Variants in DMXL2 observed in about 807,000 individuals in gnomAD.
DMXL2 encodes the protein dmX-like protein 2.
A neutral mutation model predicts 331.1 loss-of-function variants in DMXL2; 103 were observed. The ratio of observed to expected loss-of-function variants is 0.31; its 90% confidence interval spans 0.27 to 0.37. DMXL2 has a LOEUF of 0.37. Ranked by LOEUF, DMXL2 falls within the 10% of genes least tolerant of loss-of-function variation. The pLI, the probability that DMXL2 is intolerant of heterozygous loss-of-function variation, is 1.00. For synonymous variants in DMXL2, 1,281 were observed against 1,252.1 expected (o/e 1.02, Z -0.49); for missense variants, 3,171 against 3,642.9 (o/e 0.87, Z 3.33).
rs1314447982 is a variant in DMXL2, at chr15:51,457,156, A to C, written c.8337+172T>G. On this transcript the variant is annotated intron_variant, in intron 37 of 43. Transcript: ENST00000560891. Reference sequence around the variant, plus strand: ...CACTGCACTCCAGCCTGCGCGACAGAGCCAGACCCTGTCACCAAATAAAAA... The same window carrying C: ...CACTGCACTCCAGCCTGCGCGACAGCGCCAGACCCTGTCACCAAATAAAAA... 11 of 728,366 alleles carry C rather than the reference A, an allele frequency of 1.5e-5. No individual in the cohort carries two copies. The East Asian group carries it at 2.6e-4, about 17-fold the overall frequency. The allele number at this position is 728,366 out of a possible 1,614,324, so 45.1% of individuals were successfully genotyped here.
rs1321790012 is a variant in DMXL2, at chr15:51,456,345, C to T, written c.8362G>A (p.Val2788Ile). 3 of 1,592,352 alleles carry T rather than the reference C, an allele frequency of 1.9e-6. No individual in the cohort carries two copies. The highest frequency in any genetic ancestry group is 3.7e-5 in the Admixed American group (2 of 54,696). Residue 2788 changes from valine (V) to isoleucine (I), a missense_variant, in exon 38 of 44, where the codon GTT (valine) becomes ATT (isoleucine). Transcript: ENST00000560891. Reference protein sequence around the residue: ...SVLMKRNLHNVKRMTSHPVHQ... With the variant: ...SVLMKRNLHNIKRMTSHPVHQ... ...ACTGGGTGTGAAGTCATTCTCTTAA[C>T]ATTATGTAGATTCCTTTTCATAAGC...
intron 6 of DMXL2, 53 bp downstream of exon 6, chr15:51,563,328 C>T (rs2050080632): frequency 7.3e-7 from 1 of 1,366,584 alleles, no homozygotes; most frequent in Non-Finnish European, 1.0e-6. Flanking sequence ...AAATAAGGAA[C>T]ATTTTAAATT....
rs543899558 is a variant in DMXL2 at position 51,488,772 on chromosome 15, G to A, written c.4954-127C>T. 2.4e-5 allele frequency: 17 copies of A among 709,786 alleles called. No individual in the cohort carries two copies. The African/African-American group carries it at 2.5e-4, about 11-fold the overall frequency. The allele number at this position is 709,786 out of a possible 1,614,324, so 44.0% of individuals were successfully genotyped here. A position where few individuals can be genotyped will look rare whatever the true frequency, so the allele number is the denominator to read the frequency against. On this transcript the variant is annotated intron_variant, in intron 20 of 43. Coordinates refer to ENST00000560891, the MANE Select transcript of DMXL2 (RefSeq NM_001378457.1). ...TGTGGAGACAGAAAAAGTTGGTTCT[G>A]TTTCACAATCTCCAGTAGGTTATAA...
rs1397459987 is a variant in DMXL2, at chr15:51,622,609, C to T, written c.-64G>A. Reference sequence around the variant, plus strand: ...GACAAGCTCCGCGCCTGACCCTCCTCGGGCTGCGAGAGCCGTTTCCCTCTG... The same window carrying T: ...GACAAGCTCCGCGCCTGACCCTCCTTGGGCTGCGAGAGCCGTTTCCCTCTG... On this transcript the variant is annotated 5_prime_UTR_variant, in exon 1 of 44. Coordinates refer to ENST00000560891, the MANE Select transcript of DMXL2 (RefSeq NM_001378457.1). 2.0e-6 allele frequency: 3 copies of T among 1,503,536 alleles called. No individual in the cohort carries two copies. Among genetic ancestry groups the T allele is most frequent in the Middle Eastern group, 1.9e-4 (1 of 5,394 alleles). The allele number at this position is 1,503,536 out of a possible 1,614,324, so 93.1% of individuals were successfully genotyped here. A position where few individuals can be genotyped will look rare whatever the true frequency, so the allele number is the denominator to read the frequency against.
At chr15:51,521,178 G>A (rs535843692) in intron 13 of DMXL2, among the ~76,000 whole-genome samples, 18 of 152,120 alleles carry the variant, frequency 1.2e-4, no homozygotes, top group Non-Finnish European at 2.4e-4. Flanking sequence ...AGCCGTAGTT[G>A]TAAGAGTTTG....
At chr15:51,530,787 C>T (rs944041786) in intron 13 of DMXL2, among the ~76,000 whole-genome samples, 2 of 151,810 alleles carry the variant, frequency 1.3e-5, no homozygotes, top group African/African-American at 2.4e-5. Context: ...ATCTCATTTA[C>T]AATAGCCATA....
In DMXL2 at chr15:51,499,996, A is replaced by G. The variant is rs1304180175; in HGVS notation, c.3228T>C (p.Cys1076=). ...CCACTGCAAGGCGACCTGTGTATGA[A>G]CAGCTAACAGCAACTGGTCTTCCCA... is the stretch of plus-strand genomic sequence containing the variant. ...SIVGRPVAVS[C]SYTGRLAVAY... Residue 1076 remains cysteine (C), a synonymous_variant, in exon 18 of 44, where the codon TGT becomes TGC. Coordinates refer to ENST00000560891, the MANE Select transcript of DMXL2 (RefSeq NM_001378457.1). 4 of 1,613,962 alleles carry G rather than the reference A, an allele frequency of 2.5e-6. No homozygotes were observed. In the Admixed American group the frequency reaches 5.0e-5, roughly 20 times the overall value.
rs1358799210 is a variant in DMXL2, at chr15:51,564,148, A to G, written c.477T>C (p.Asp159=). Residue 159 remains aspartate (D), a synonymous_variant, in exon 5 of 44, where the codon GAT becomes GAC. Coordinates refer to ENST00000560891, the MANE Select transcript of DMXL2 (RefSeq NM_001378457.1). ...ACTTGCACTGCCAGACACACTTCCAATCATTTAAAACAGGAGGAACTGTAT... is the reference window on the plus strand; with the variant it reads ...ACTTGCACTGCCAGACACACTTCCAGTCATTTAAAACAGGAGGAACTGTAT... The part of the protein sequence containing the change: ...IDNTVPPVLN[D]WKCVWQCKTS... 9 of 1,603,222 alleles carry G rather than the reference A, an allele frequency of 5.6e-6. No individual in the cohort carries two copies. In the African/African-American group the frequency reaches 9.4e-5, roughly 17 times the overall value.
Position 51,450,277 on chromosome 15 carries a change from C to A in DMXL2, c.8819G>T (p.Gly2940Val), listed in dbSNP as rs773928014. 1 of 1,613,970 alleles carries A rather than the reference C, an allele frequency of 6.2e-7. No individual in the cohort carries two copies. Among genetic ancestry groups the A allele is most frequent in the Non-Finnish European group, 8.5e-7 (1 of 1,179,990 alleles). The change falls in exon 43 of 44, where the codon GGG becomes GTG. Residue 2940 changes from glycine (G) to valine (V), a missense_variant. Physicochemically the swap from Gly to Val is moderately radical, Grantham distance 109. This residue lies in a region of DMXL2 where 766 missense variants were observed against 940.5 expected (regional missense o/e 0.81). Transcript: ENST00000560891. ...AATGCAGACGTGTCCTTTCCTACCC[C>A]CCGAGATTAGGAGTTGCTGTTTGGG... ...YAPKQQLLIS[G>V]GRKGHVCIFD... is the part of the protein sequence containing the mutation.
At chr15:51,557,623 T>G (rs896377776) in intron 6 of DMXL2, among the ~76,000 whole-genome samples, 5 of 152,116 alleles carry the variant, frequency 3.3e-5, no homozygotes, top group African/African-American at 1.2e-4. Context: ...CTACCAGATA[T>G]CAAGACTTAA....
chr15:51,593,079 G>A (rs2052516695), intron 1 of DMXL2, among the ~76,000 whole-genome samples: 1 of 152,128 alleles, frequency 6.6e-6, no homozygotes, highest in African/African-American at 2.4e-5. Flanking sequence ...AACCTTAAAT[G>A]TAAATGGGCT....
At chr15:51,449,303 A>T in intron 43 of DMXL2, 110 bp from the exon 44 acceptor site, 1 of 932,942 alleles carries the variant, frequency 1.1e-6, no homozygotes, top group African/African-American at 1.7e-5. Flanking sequence ...CAACCTTCCC[A>T]CCCACTGCCT....
rs912657346 is a variant in DMXL2, at chr15:51,604,302, G to GA, written c.87+18156dup. ...AAAAAAAACCTAGTACTGCAATAAG[G>GA]AAAAAAAAAAAAAGAACACATACAT... On this transcript the variant is annotated intron_variant, in intron 1 of 43. Coordinates refer to ENST00000560891, the MANE Select transcript of DMXL2 (RefSeq NM_001378457.1). Among the ~76,000 whole-genome samples the GA allele has an allele frequency of 9.1e-3, 962 of 106,222 alleles. 17 individuals are homozygous for GA. The highest frequency in any genetic ancestry group is 0.031 in the African/African-American group (895 of 29,256). The allele number at this position is 106,222 out of a possible 152,430, so 69.7% of individuals were successfully genotyped here. A position where few individuals can be genotyped will look rare whatever the true frequency, so the allele number is the denominator to read the frequency against.
intron 18 of DMXL2, among the ~76,000 whole-genome samples, chr15:51,497,437 T>C (rs1259735721): frequency 6.6e-6 from 1 of 152,232 alleles, no homozygotes; most frequent in African/African-American, 2.4e-5. Context: ...CCTTAATTTC[T>C]TAAGGATCAG....
At chr15:51,533,926 C>T (rs4359386) in intron 13 of DMXL2, among the ~76,000 whole-genome samples, 104,857 of 152,020 alleles carry the variant, frequency 0.69, 36,695 homozygotes, top group Non-Finnish European at 0.76. Context: ...AAAACAAATA[C>T]ATTAAATAAC....
In DMXL2 at chr15:51,574,577, T is replaced by G. The variant is rs1261537007; in HGVS notation, c.213+1479A>C. ...CAAATGACACTTACGCAAAAAGTGTTGTGAATAATTCCATTCAACATGTCA... is the reference window on the plus strand; with the variant it reads ...CAAATGACACTTACGCAAAAAGTGTGGTGAATAATTCCATTCAACATGTCA... On this transcript the variant is annotated intron_variant, in intron 2 of 43. Transcript: ENST00000560891. Among the ~76,000 whole-genome samples, 4 of 152,188 alleles carry G rather than the reference T, an allele frequency of 2.6e-5. No homozygotes were observed. In the East Asian group the frequency reaches 7.7e-4, roughly 29 times the overall value.
intron 6 of DMXL2, among the ~76,000 whole-genome samples, chr15:51,560,127 T>G (rs952696858): frequency 6.6e-6 from 1 of 152,200 alleles, no homozygotes; most frequent in African/African-American, 2.4e-5. Flanking sequence ...GATTAAAATT[T>G]TAAGATTTTA....
In DMXL2 at chr15:51,537,523, C is replaced by T. The variant is rs776367691; in HGVS notation, c.1582G>A (p.Asp528Asn). 3 of 1,613,432 alleles carry T rather than the reference C, an allele frequency of 1.9e-6. No homozygotes were observed. In the Admixed American group the frequency reaches 5.0e-5, roughly 27 times the overall value. The change falls in exon 11 of 44, where the codon GAT (aspartate) becomes AAT (asparagine). Residue 528 changes from aspartate to asparagine, a missense_variant. Physicochemically the swap from Asp to Asn is conservative, Grantham distance 23. Coordinates refer to ENST00000560891, the MANE Select transcript of DMXL2 (RefSeq NM_001378457.1). ...TFLVWHVKYLDEYNPGIFRQV... is the reference protein window; with the variant it reads ...TFLVWHVKYLNEYNPGIFRQV... The stretch of plus-strand genomic sequence containing the variant: ...CTAAATATTCCAGGATTATATTCAT[C>T]CAAATACTTCACATGCCACACTAGA...
chr15:51,459,953 G>A, intron 33 of DMXL2: 2 of 984,306 alleles, frequency 2.0e-6, no homozygotes, highest in Non-Finnish European at 2.4e-6. Context: ...TACATAACTG[G>A]TAATCTATAA....
Sources: allele counts gnomAD v4.1 joint callset (sites outside exome capture counted in the v4.1 genomes callset), GRCh38; gene constraint gnomAD v4.1.1; regional missense constraint gnomAD v4.1.1; transcripts MANE v1.5; gene names NCBI Gene and HGNC (gene_info 2026-07-23, HGNC 2026-07-21).